The following WIPI2 variants were observed in gnomAD, a reference collection of about 807,000 sequenced individuals.
WIPI2 encodes WD repeat domain phosphoinositide-interacting protein 2.
A neutral mutation model predicts 52.3 loss-of-function variants in WIPI2; 28 were observed. The observed-to-expected ratio is 0.54, with a 90% CI of 0.40 to 0.73. The LOEUF (loss-of-function observed/expected upper bound fraction) is 0.73, where lower values mean the gene tolerates loss of function less well. Among genes scored for constraint, WIPI2 ranks in the 30% least tolerant of loss-of-function variants. The pLI is 0.00. For synonymous variants in WIPI2, 268 were observed against 245.0 expected, an observed-to-expected ratio of 1.09 and a Z score of -0.88; for missense variants, 506 against 602.9, an observed-to-expected ratio of 0.84 and a Z score of 1.68.
intron 8 of WIPI2, chr7:5,222,938 G>GTGCCC: frequency 2.4e-6 from 1 of 408,658 alleles, no homozygotes. Context: ...GGGCCCTCCA[G>GTGCCC]TGCCCGGCAG....
rs895594193 is a variant in WIPI2, at chr7:5,230,002, G to A, written c.1252+264G>A. Among the ~76,000 whole-genome samples the A allele has an allele frequency of 6.6e-6, 1 of 151,208 alleles. No individual in the cohort carries two copies. The highest frequency in any genetic ancestry group is 1.5e-5 in the Non-Finnish European group (1 of 67,828). Reference sequence around the variant, plus strand: ...CCAGGGTGGTCTCAAACTCCTCCTGGGCTCAAGTGATTCTCCCGCCTCAGC... The same window carrying A: ...CCAGGGTGGTCTCAAACTCCTCCTGAGCTCAAGTGATTCTCCCGCCTCAGC... On this transcript the variant is annotated intron_variant, in intron 12 of 12. Transcript: ENST00000288828. The surrounding 1 kb of genome is among the most constrained non-coding windows in gnomAD (Gnocchi z 4.8).
chr7:5,191,430 G>A (rs569485243), intron 1 of WIPI2, among the ~76,000 whole-genome samples: 1 of 152,184 alleles, frequency 6.6e-6, no homozygotes, highest in African/African-American at 2.4e-5. Context: ...GCCAAGAGAG[G>A]CGTTACGGAC....
Position 5,193,352 on chromosome 7 carries a change from G to A in WIPI2, c.128+181G>A, listed in dbSNP as rs948075879. 7.8e-6 allele frequency: 11 copies of A among 1,408,316 alleles called. No homozygotes were observed. The African/African-American group carries it at 1.6e-4, about 20-fold the overall frequency. 87.2% of individuals were successfully genotyped at this position (1,408,316 alleles called of 1,614,324 possible). On this transcript the variant is annotated intron_variant, in intron 2 of 12. Coordinates refer to ENST00000288828, the MANE Select transcript of WIPI2 (RefSeq NM_015610.4). ...ATACCACAGCTTGTGGGAAGTTAGTGATGTAGCAATGTCTGTTTTAAATGC... is the reference window on the plus strand; with the variant it reads ...ATACCACAGCTTGTGGGAAGTTAGTAATGTAGCAATGTCTGTTTTAAATGC...
At chr7:5,223,879 G>C (rs559657006) in intron 8 of WIPI2, among the ~76,000 whole-genome samples, 1 of 152,376 alleles carries the variant, frequency 6.6e-6, no homozygotes, top group East Asian at 1.9e-4. Flanking sequence ...CCTCCAGGGA[G>C]CTCCCACCTG....
chr7:5,226,158 C>T lies in WIPI2; in HGVS notation c.848+228C>T, dbSNP rs1322007697. 9.4e-6 allele frequency: 5 copies of T among 531,580 alleles called. No homozygotes were observed. The Admixed American group carries it at 9.4e-5, about 10-fold the overall frequency. 32.9% of individuals were successfully genotyped at this position (531,580 alleles called of 1,614,324 possible). On this transcript the variant is annotated intron_variant, in intron 9 of 12. Coordinates refer to ENST00000288828, the MANE Select transcript of WIPI2 (RefSeq NM_015610.4). ...CAGGCAGCACGCAGGGTAGACAGAG[C>T]CCTCGCGTAGGGCATGGAGGGCCCA...
intron 7 of WIPI2, among the ~76,000 whole-genome samples, chr7:5,222,094 CAT>C (rs1463718738): frequency 6.6e-6 from 1 of 151,982 alleles, no homozygotes; most frequent in African/African-American, 2.4e-5. Context: ...GGATTACAGG[CAT>C]GCGCCACCAC....
At position 5,228,230 on chromosome 7, in the gene WIPI2, C is replaced by T. The variant is rs757245077; in HGVS notation, c.1121+19C>T. The T allele has an allele frequency of 1.2e-6, 2 of 1,601,194 alleles. No homozygotes were observed. Among genetic ancestry groups the T allele is most frequent in the East Asian group, 2.2e-5 (1 of 44,652 alleles). ...AGCACCGGTGAGTCTGCTCCGGCCGCTTCACGGAGCTGCTCCGTGCTGGCG... is the reference window on the plus strand; with the variant it reads ...AGCACCGGTGAGTCTGCTCCGGCCGTTTCACGGAGCTGCTCCGTGCTGGCG... On this transcript the variant is annotated intron_variant, in intron 11 of 12. Transcript: ENST00000288828.
chr7:5,200,329 C>T (rs1781960226), intron 3 of WIPI2, among the ~76,000 whole-genome samples: 1 of 152,142 alleles, frequency 6.6e-6, no homozygotes, highest in Admixed American at 6.5e-5. Context: ...AAGCTTTGGA[C>T]CCTTTCCACG....
At chr7:5,224,797 C>T (rs374153895) in intron 8 of WIPI2, among the ~76,000 whole-genome samples, 13 of 152,094 alleles carry the variant, frequency 8.5e-5, no homozygotes, top group African/African-American at 2.9e-4. Flanking sequence ...AGCCTATGCC[C>T]GGGGAGGAAC....
In WIPI2 at chr7:5,197,111, C is replaced by CAAAA. The variant is rs1562384541; in HGVS notation, c.129-2462_129-2459dup. Among the ~76,000 whole-genome samples, 24 of 56,420 alleles carry CAAAA rather than the reference C, an allele frequency of 4.3e-4. 3 individuals are homozygous for CAAAA. Among genetic ancestry groups the CAAAA allele is most frequent in the African/African-American group, 1.4e-3 (14 of 10,228 alleles). 37.0% of individuals were successfully genotyped at this position (56,420 alleles called of 152,430 possible). On this transcript the variant is annotated intron_variant, in intron 2 of 12. Transcript: ENST00000288828. ...TGCATGACAGAGCGGGACTCCGTCT[C>CAAAA]AAAAAACAAAAAAAAAAAAAAAAAA...
At chr7:5,226,932 C>T (rs1364715748) in intron 9 of WIPI2, 4 of 518,026 alleles carry the variant, frequency 7.7e-6, no homozygotes, top group Non-Finnish European at 1.4e-5. Flanking sequence ...GCTGCCACGT[C>T]TTGTCCGTGG....
At position 5,232,434 on chromosome 7, in the gene WIPI2, G is replaced by A. The variant is rs185127351; in HGVS notation, c.*1487G>A. 3.9e-4 allele frequency: 156 copies of A among 397,728 alleles called. No individual in the cohort carries two copies. Among genetic ancestry groups the A allele is most frequent in the African/African-American group, 2.0e-3 (99 of 48,766 alleles). The allele number at this position is 397,728 out of a possible 1,614,324, so 24.6% of individuals were successfully genotyped here. On this transcript the variant is annotated 3_prime_UTR_variant, in exon 13 of 13. Transcript: ENST00000288828. The stretch of plus-strand genomic sequence containing the variant: ...CACCTACACCGGCTTCCTCCCAGCC[G>A]CTGGTGTGCGGCACACACAACATCT...
intron 3 of WIPI2, among the ~76,000 whole-genome samples, chr7:5,202,757 C>T (rs114478473): frequency 0.023 from 3,424 of 151,908 alleles, 119 homozygotes; most frequent in African/African-American, 0.078. Flanking sequence ...CATTTTCTTT[C>T]TCCATGTGCA....
chr7:5,217,548 C>T, intron 6 of WIPI2: 2 of 394,332 alleles, frequency 5.1e-6, no homozygotes, highest in South Asian at 2.3e-5. Context: ...CCTCCCGCCT[C>T]GGCCCCCTAA....
Position 5,227,256 on chromosome 7 carries a change from C to T in WIPI2, c.925C>T (p.Gln309Ter), listed in dbSNP as rs1259311815. The T allele has an allele frequency of 6.2e-7, 1 of 1,613,954 alleles. No homozygotes were observed. Among genetic ancestry groups the T allele is most frequent in the Admixed American group, 1.7e-5 (1 of 60,032 alleles). The part of the protein sequence containing the change: ...LMASTSYLPS[Q>*]VTEMFNQGRA... Reference sequence around the variant, plus strand: ...GGCCTCCACCAGCTACCTGCCTTCCCAAGTGACAGAAATGTTCAACCAGGG... The same window carrying T: ...GGCCTCCACCAGCTACCTGCCTTCCTAAGTGACAGAAATGTTCAACCAGGG... Residue 309 changes from glutamine to a stop codon, truncating the protein, a stop_gained, in exon 10 of 13, where the codon CAA becomes TAA. Coordinates refer to ENST00000288828, the MANE Select transcript of WIPI2 (RefSeq NM_015610.4). LOFTEE classifies it high-confidence loss of function. The surrounding 1 kb of genome is among the most constrained non-coding windows in gnomAD (Gnocchi z 8.1).
intron 2 of WIPI2, among the ~76,000 whole-genome samples, chr7:5,194,095 T>C (rs1781621395): frequency 6.6e-6 from 1 of 152,098 alleles, no homozygotes; most frequent in Non-Finnish European, 1.5e-5. Context: ...AGTTTCTGGC[T>C]TGGGTTCTGG....
intron 4 of WIPI2, 67 bp downstream of exon 4, chr7:5,214,771 C>A (rs1427187422): frequency 1.3e-6 from 2 of 1,562,572 alleles, no homozygotes; most frequent in Non-Finnish European, 1.7e-6. Flanking sequence ...GACAAGCCCA[C>A]CCCACCGGCA....
chr7:5,196,180 A>G (rs1781737048), intron 2 of WIPI2, among the ~76,000 whole-genome samples: 1 of 152,098 alleles, frequency 6.6e-6, no homozygotes, highest in Admixed American at 6.6e-5. Context: ...TCTCTACTAA[A>G]TACAAAAAAT....
chr7:5,220,005 G>A (rs1783026618), intron 7 of WIPI2, among the ~76,000 whole-genome samples: 1 of 126,860 alleles, frequency 7.9e-6, no homozygotes, highest in Non-Finnish European at 1.9e-5. Context: ...CCGGCTAATT[G>A]TTGTACTTTT....
Sources: allele counts gnomAD v4.1 joint callset (sites outside exome capture counted in the v4.1 genomes callset), GRCh38; gene constraint gnomAD v4.1.1; non-coding constraint Gnocchi (gnomAD v3.1); transcripts MANE v1.5; gene names NCBI Gene and HGNC (gene_info 2026-07-23, HGNC 2026-07-21).